Variants in VTI1A observed in about 807,000 individuals in gnomAD.
VTI1A encodes the protein vesicle transport through interaction with t-SNAREs 1A, also known as vesicle transport through interaction with t-SNAREs homolog 1A.
A neutral mutation model predicts 34.9 loss-of-function variants in VTI1A; 22 were observed. The observed-to-expected ratio is 0.63, with a 90% confidence interval of 0.45 to 0.90. The LOEUF is 0.90. Among genes scored for constraint, VTI1A ranks in the 40% least tolerant of loss-of-function variants. VTI1A has a pLI of 0.00. For synonymous variants in VTI1A, 87 were observed against 97.3 expected, an observed-to-expected ratio of 0.89 and a Z score of 0.62; for missense variants, 268 against 275.6, an observed-to-expected ratio of 0.97 and a Z score of 0.20.
chr10:112,456,245 A>C (rs924251342), intron 1 of VTI1A, among the ~76,000 whole-genome samples: 3 of 152,182 alleles, frequency 2.0e-5, no homozygotes, highest in East Asian at 1.9e-4. Context: ...ACATGGTGAA[A>C]CCTCATTCTA....
chr10:112,821,413 C>G (rs140938338), downstream of VTI1A, among the ~76,000 whole-genome samples: 4 of 152,310 alleles, frequency 2.6e-5, no homozygotes, highest in African/African-American at 9.6e-5. Flanking sequence ...CTCAGTGCCA[C>G]TTCGTTACCG....
chr10:112,688,727 C>T lies in VTI1A; in HGVS notation c.560+19729C>T, dbSNP rs542914845. On this transcript the variant is annotated intron_variant, in intron 7 of 7. Transcript: ENST00000393077. Reference sequence around the variant, plus strand: ...TGTTTGTTTGTATTTTTAGTAGAGACGGGGTTTCATCATGTTGGCTAGGCT... The same window carrying T: ...TGTTTGTTTGTATTTTTAGTAGAGATGGGGTTTCATCATGTTGGCTAGGCT... Among the ~76,000 whole-genome samples, 454 of 151,778 alleles carry T rather than the reference C, an allele frequency of 3.0e-3. 1 individual carries two copies. The highest frequency in any genetic ancestry group is 0.01 in the African/African-American group (415 of 41,366).
At chr10:112,453,685 G>C (rs938238043) in intron 1 of VTI1A, among the ~76,000 whole-genome samples, 5 of 151,004 alleles carry the variant, frequency 3.3e-5, no homozygotes, top group Non-Finnish European at 7.4e-5. Context: ...TTTTTTTTAA[G>C]GACTATATTG....
At chr10:112,652,217 A>G (rs551007298) in intron 5 of VTI1A, among the ~76,000 whole-genome samples, 3 of 152,362 alleles carry the variant, frequency 2.0e-5, no homozygotes, top group South Asian at 4.1e-4. Flanking sequence ...AAAGCCTCCC[A>G]CTGCCATAAC....
At chr10:112,712,186 C>T (rs1016053490) in intron 7 of VTI1A, among the ~76,000 whole-genome samples, 2 of 152,074 alleles carry the variant, frequency 1.3e-5, no homozygotes, top group Admixed American at 1.3e-4. Flanking sequence ...TTCTTCTCAC[C>T]CTTCCTCCCA....
At chr10:112,789,722 C>T (rs569015096) in intron 7 of VTI1A, among the ~76,000 whole-genome samples, 128 of 152,092 alleles carry the variant, frequency 8.4e-4, no homozygotes, top group African/African-American at 2.7e-3. Context: ...GTAGAATTTC[C>T]GTTTGGCTCT....
At chr10:112,698,757 C>G (rs1848884869) in intron 7 of VTI1A, among the ~76,000 whole-genome samples, 2 of 152,154 alleles carry the variant, frequency 1.3e-5, no homozygotes, top group South Asian at 2.1e-4. Flanking sequence ...GCTTTGCCAC[C>G]CTTTGTGCAC....
At chr10:112,751,832 T>C (rs746838489) in intron 7 of VTI1A, among the ~76,000 whole-genome samples, 10 of 152,220 alleles carry the variant, frequency 6.6e-5, no homozygotes, top group African/African-American at 1.2e-4. Flanking sequence ...ACTATTCTCA[T>C]TGGTTACACA....
the VTI1A span, among the ~76,000 whole-genome samples, chr10:112,830,849 A>ATATTTTTTTTTTTTTTTTT: frequency 3.0e-4 from 10 of 33,490 alleles, 1 homozygote; most frequent in East Asian, 1.5e-3. Flanking sequence ...ATATATATAT[A>ATATTTTTTTTTTTTTTTTT]TTTTTTTTTT....
At chr10:112,523,432 T>A (rs187788847) in intron 3 of VTI1A, among the ~76,000 whole-genome samples, 2 of 152,232 alleles carry the variant, frequency 1.3e-5, no homozygotes, top group African/African-American at 4.8e-5. Context: ...ATTTGTCATA[T>A]TTTTTTCTAT....
At chr10:112,747,223 G>T (rs1286438872) in intron 7 of VTI1A, among the ~76,000 whole-genome samples, 3 of 152,236 alleles carry the variant, frequency 2.0e-5, no homozygotes, top group African/African-American at 7.2e-5. Flanking sequence ...AATGTTACCT[G>T]TGATGTGGGT....
At chr10:112,652,835 G>T (rs1847089809) in intron 5 of VTI1A, among the ~76,000 whole-genome samples, 1 of 152,158 alleles carries the variant, frequency 6.6e-6, no homozygotes, top group African/African-American at 2.4e-5. Flanking sequence ...TGTGTCTGTT[G>T]GGCCCTAAAA....
At chr10:112,690,258 G>A (rs368996138) in intron 7 of VTI1A, among the ~76,000 whole-genome samples, 10 of 152,104 alleles carry the variant, frequency 6.6e-5, no homozygotes, top group Middle Eastern at 3.2e-3. Context: ...ATAGGTTTTC[G>A]TTTCTCTTGG....
chr10:112,644,294 T>C (rs2133786155), intron 5 of VTI1A, among the ~76,000 whole-genome samples: 1 of 152,354 alleles, frequency 6.6e-6, no homozygotes, highest in African/African-American at 2.4e-5. Context: ...TGAAGGAATT[T>C]GACAATTTTG....
intron 5 of VTI1A, among the ~76,000 whole-genome samples, chr10:112,573,071 T>G (rs1261988930): frequency 6.6e-6 from 1 of 151,850 alleles, no homozygotes; most frequent in South Asian, 2.1e-4. Flanking sequence ...TATTCAGGGG[T>G]GACAGACCCA....
chr10:112,791,007 T>C (rs10400044), intron 7 of VTI1A, among the ~76,000 whole-genome samples: 151,834 of 152,244 alleles, frequency 1, 75,716 homozygotes, highest in Middle Eastern at 1. Context: ...TTCTCCAATA[T>C]GGCAATGACC....
At chr10:112,701,912 G>A (rs898337801) in intron 7 of VTI1A, among the ~76,000 whole-genome samples, 1 of 152,172 alleles carries the variant, frequency 6.6e-6, no homozygotes, top group Admixed American at 6.5e-5. Flanking sequence ...AAATATCACT[G>A]TATGAGAGAA....
chr10:112,489,364 T>C (rs1848748094), intron 3 of VTI1A, among the ~76,000 whole-genome samples: 1 of 152,248 alleles, frequency 6.6e-6, no homozygotes, highest in Admixed American at 6.5e-5. Context: ...CTACTCTAAG[T>C]TGCTTTCCCT....
chr10:112,758,593 G>A (rs1337026192), intron 7 of VTI1A, among the ~76,000 whole-genome samples: 1 of 152,228 alleles, frequency 6.6e-6, no homozygotes, highest in Non-Finnish European at 1.5e-5. Context: ...CTGGCACTCG[G>A]TATTCAAGAG....
Sources: gnomAD v4.1 joint callset for allele counts (sites outside exome capture counted in the v4.1 genomes callset) on GRCh38, gnomAD v4.1.1 for gene constraint, MANE v1.5 for transcripts, NCBI Gene and HGNC (gene_info 2026-07-23, HGNC 2026-07-21) for gene names.